Variants in UTP6 observed in about 807,000 individuals in gnomAD.
UTP6 encodes U3 small nucleolar RNA-associated protein 6 homolog.
Under a neutral mutation model 96.5 loss-of-function variants are expected in UTP6, and 60 were observed. That is an observed-to-expected ratio of 0.62 (90% CI 0.51 to 0.77). The LOEUF is 0.77. UTP6 is among the 30% of genes least tolerant of loss of function. The probability of loss-of-function intolerance (pLI) is 0.00; values close to 1 mark genes in which losing one functional copy is unlikely to be tolerated. For synonymous variants in UTP6, 215 were observed against 240.1 expected (o/e 0.90, Z 0.96); for missense variants, 637 against 706.5 (o/e 0.90, Z 1.12).
intron 16 of UTP6, 104 bp downstream of exon 16, chr17:31,873,274 T>C: frequency 1.8e-6 from 2 of 1,106,108 alleles, no homozygotes; most frequent in Non-Finnish European, 2.7e-6. Flanking sequence ...AAAAAGTGTA[T>C]CAGATTACTC....
chr17:31,867,971 A>G, intron 17 of UTP6, 75 bp downstream of exon 17: 1 of 1,512,440 alleles, frequency 6.6e-7, no homozygotes, highest in Non-Finnish European at 9.0e-7. Flanking sequence ...AAACAAAAAA[A>G]CAAAAAACAG....
chr17:31,877,382 A>G (rs1910555887), intron 13 of UTP6, among the ~76,000 whole-genome samples: 1 of 152,224 alleles, frequency 6.6e-6, no homozygotes, highest in African/African-American at 2.4e-5. Flanking sequence ...ATTGCACACT[A>G]TATGTGCTAG....
intron 16 of UTP6, among the ~76,000 whole-genome samples, chr17:31,870,517 T>G (rs1475986562): frequency 3.4e-5 from 5 of 149,044 alleles, no homozygotes; most frequent in Admixed American, 1.3e-4. Flanking sequence ...TTGTTTTGGT[T>G]TTTTTTTTTG....
chr17:31,864,064 T>C lies in UTP6; in HGVS notation c.1637-548A>G, dbSNP rs9303647. 2.5e-3 allele frequency among the ~76,000 whole-genome samples: 384 copies of C among 152,170 alleles called. 3 individuals carry two copies. Among genetic ancestry groups the C allele is most frequent in the African/African-American group, 8.8e-3 (364 of 41,530 alleles). ...AAAACCTTCACATCAATCATAAAAG[T>C]CTATTTTATTCAATGAACTCAAAAA... On this transcript the variant is annotated intron_variant, in intron 18 of 18. Transcript: ENST00000261708.
rs572756991 is a variant in UTP6 at position 31,878,806 on chromosome 17, T to C, written c.968-25A>G. ...TCTGGAAAAGTCAGAAAGATTGTGT[T>C]GATCAGATCACTTAGTTCAACATTC... On this transcript the variant is annotated intron_variant, in intron 11 of 18. Transcript: ENST00000261708. 1.9e-6 allele frequency: 3 copies of C among 1,605,874 alleles called. No individual in the cohort carries two copies. In the African/African-American group the frequency reaches 4.0e-5, roughly 21 times the overall value.
At position 31,865,376 on chromosome 17, in the gene UTP6, G is replaced by A. The variant is rs138066981; in HGVS notation, c.1626C>T (p.Ser542=). 1.6e-4 allele frequency: 264 copies of A among 1,613,946 alleles called. No homozygotes were observed. The highest frequency in any genetic ancestry group is 1.2e-3 in the African/African-American group (89 of 75,024). ...YYERALREFG[S]ADSDLWMDYM... ...TAAGGGTTTACTTACCAGAATCTGC[G>A]GATCCAAACTCTCTCAAAGCTCTCT... The change falls in exon 18 of 19, where the codon TCC becomes TCT. Residue 542 remains serine (S), a synonymous_variant. Coordinates refer to ENST00000261708, the MANE Select transcript of UTP6 (RefSeq NM_018428.3).
intron 16 of UTP6, among the ~76,000 whole-genome samples, chr17:31,870,153 T>G (rs549188562): frequency 6.6e-6 from 1 of 152,332 alleles, no homozygotes; most frequent in South Asian, 2.1e-4. Context: ...ACATGTCTTT[T>G]TGGTAGAATT....
At chr17:31,874,303 TTAA>T (rs1196609477) in intron 14 of UTP6, 1 of 152,664 alleles carries the variant, frequency 6.6e-6, no homozygotes, top group Non-Finnish European at 1.5e-5. Context: ...TCCCAGCACT[TTAA>T]AGACGGAGGC....
At chr17:31,889,740 C>A (rs1002268106) in intron 6 of UTP6, among the ~76,000 whole-genome samples, 1 of 151,784 alleles carries the variant, frequency 6.6e-6, no homozygotes, top group South Asian at 2.1e-4. Flanking sequence ...CCTCGTGATC[C>A]GCCCGCCTCG....
In UTP6 at chr17:31,894,666, C is replaced by G; in HGVS notation, c.291G>C (p.Gln97His). Residue 97 changes from glutamine to histidine, a missense_variant, in exon 4 of 19, where the codon CAG becomes CAC. Physicochemically the swap from Gln to His is conservative, Grantham distance 24. Coordinates refer to ENST00000261708, the MANE Select transcript of UTP6 (RefSeq NM_018428.3). ...TCACTTTCCATTTTGCTGAGGCACGCTGGAAAACACCTTGTACCCGGTGTA... is the reference window on the plus strand; with the variant it reads ...TCACTTTCCATTTTGCTGAGGCACGGTGGAAAACACCTTGTACCCGGTGTA... ...SIVHRVQGVF[Q>H]RASAKWKDDV... is the part of the protein sequence containing the mutation. The G allele has an allele frequency of 6.2e-7, 1 of 1,610,394 alleles. No individual in the cohort carries two copies. The highest frequency in any genetic ancestry group is 8.5e-7 in the Non-Finnish European group (1 of 1,178,044).
intron 2 of UTP6, among the ~76,000 whole-genome samples, chr17:31,896,644 A>T (rs115438730): frequency 0.077 from 11,280 of 145,720 alleles, 718 homozygotes; most frequent in African/African-American, 0.17. Flanking sequence ...ACAGAAAAAA[A>T]TTTTTTTTTT....
At position 31,880,766 on chromosome 17, in the gene UTP6, A is replaced by T. The variant is rs374159916; in HGVS notation, c.786-12T>A. 2.1e-5 allele frequency: 34 copies of T among 1,613,648 alleles called. No homozygotes were observed. In the African/African-American group the frequency reaches 4.3e-4, roughly 20 times the overall value. ...GTAGAGCCTGAAGGCTGAAAAATAC[A>T]ATTTACTGTTATCAATCCCACAACA... On this transcript the variant is annotated splice_polypyrimidine_tract_variant and intron_variant, in intron 10 of 18. Coordinates refer to ENST00000261708, the MANE Select transcript of UTP6 (RefSeq NM_018428.3).
chr17:31,868,775 G>A (rs1049075753), intron 16 of UTP6, among the ~76,000 whole-genome samples: 4 of 152,084 alleles, frequency 2.6e-5, no homozygotes, highest in African/African-American at 9.7e-5. Context: ...AAATATTTGT[G>A]CAGAAATATT....
rs1438078104 is a variant in UTP6, at chr17:31,901,663, C to G, written c.-36G>C. 4.4e-6 allele frequency: 7 copies of G among 1,599,312 alleles called. No homozygotes were observed. Among genetic ancestry groups the G allele is most frequent in the Non-Finnish European group, 6.0e-6 (7 of 1,169,906 alleles). ...GTCTACAACCCCGCGGGTAGCTTCT[C>G]AACAGCGAACACGAGCAGGAAGCTC... is the stretch of plus-strand genomic sequence containing the variant. On this transcript the variant is annotated 5_prime_UTR_variant, in exon 1 of 19. Coordinates refer to ENST00000261708, the MANE Select transcript of UTP6 (RefSeq NM_018428.3).
At chr17:31,865,599 C>T (rs1384222256) in intron 17 of UTP6, among the ~76,000 whole-genome samples, 161 bp from the exon 18 acceptor site, 1 of 152,136 alleles carries the variant, frequency 6.6e-6, no homozygotes, top group Non-Finnish European at 1.5e-5. Context: ...AAAATCAAAG[C>T]CACTCAACAG....
chr17:31,891,549 T>C (rs1026005393), intron 6 of UTP6, among the ~76,000 whole-genome samples: 7 of 152,198 alleles, frequency 4.6e-5, no homozygotes, highest in African/African-American at 1.7e-4. Flanking sequence ...AGACCATTTA[T>C]ACATTATTCA....
intron 16 of UTP6, among the ~76,000 whole-genome samples, chr17:31,868,325 G>GTTTTTTT (rs33960994): frequency 1.9e-4 from 17 of 90,502 alleles, no homozygotes; most frequent in East Asian, 3.8e-4. Flanking sequence ...TAGTTTTTTG[G>GTTTTTTT]TTTTTTTTTT....
chr17:31,860,917 T>G lies in UTP6; in HGVS notation c.*2442A>C, dbSNP rs887638253. On this transcript the variant is annotated 3_prime_UTR_variant, in exon 19 of 19. Coordinates refer to ENST00000261708, the MANE Select transcript of UTP6 (RefSeq NM_018428.3). ...AGTAGACTCTAATACTCATAGAAAT[T>G]TAATATATAATAAAGGTAACATCAC... 6.6e-6 allele frequency: 1 copy of G among 151,324 alleles called. No homozygotes were observed. Among genetic ancestry groups the G allele is most frequent in the Non-Finnish European group, 1.5e-5 (1 of 67,906 alleles). 9.4% of individuals were successfully genotyped at this position (151,324 alleles called of 1,614,324 possible). A position where few individuals can be genotyped will look rare whatever the true frequency, so the allele number is the denominator to read the frequency against.
In UTP6 at chr17:31,892,788, C is replaced by T; in HGVS notation, c.319G>A (p.Val107Ile). The change falls in exon 5 of 19, where the codon GTT (valine) becomes ATT (isoleucine). Residue 107 changes from valine (V) to isoleucine (I), a missense_variant. Coordinates refer to ENST00000261708, the MANE Select transcript of UTP6 (RefSeq NM_018428.3). ...GCCACATAGGAGAGCCAAAGTTGAA[C>T]ATCGTCCTGCAAGAAAAGCAATGTA... ...QRASAKWKDD[V>I]QLWLSYVAFC... The T allele has an allele frequency of 6.2e-7, 1 of 1,614,168 alleles. No individual in the cohort carries two copies. Among genetic ancestry groups the T allele is most frequent in the East Asian group, 2.2e-5 (1 of 44,886 alleles).
Sources: allele counts gnomAD v4.1 joint callset (sites outside exome capture counted in the v4.1 genomes callset), GRCh38; gene constraint gnomAD v4.1.1; transcripts MANE v1.5; gene names NCBI Gene and HGNC (gene_info 2026-07-23, HGNC 2026-07-21).